Variants in PCDHGA3 observed in about 807,000 individuals in gnomAD.
PCDHGA3 encodes protocadherin gamma-A3.
PCDHGA3 carries 40 observed loss-of-function variants against 58.5 expected under a neutral mutation model. That is an observed-to-expected ratio of 0.68 (90% confidence interval 0.53 to 0.89). PCDHGA3 has a LOEUF of 0.89. PCDHGA3 is among the 40% of genes least tolerant of loss of function. The pLI, the probability that PCDHGA3 is intolerant of heterozygous loss-of-function variation, is 0.00. For synonymous variants in PCDHGA3, 530 were observed against 525.7 expected (o/e 1.01, Z -0.11); for missense variants, 1,223 against 1,195.9 (o/e 1.02, Z -0.33).
chr5:141,477,536 G>T lies in PCDHGA3; in HGVS notation c.2425-17271G>T. 1.2e-6 allele frequency: 2 copies of T among 1,614,076 alleles called. No homozygotes were observed. Among genetic ancestry groups the T allele is most frequent in the Non-Finnish European group, 1.7e-6 (2 of 1,180,018 alleles). ...CATTGAAGAAAACAACCTCCCCGGG[G>T]CTCCAATACTAAACCTAAGTGTCTG... On this transcript the variant is annotated intron_variant, in intron 1 of 3. Coordinates refer to ENST00000253812, the MANE Select transcript of PCDHGA3 (RefSeq NM_018916.4). The surrounding 1 kb of genome is among the most constrained non-coding windows in gnomAD (Gnocchi z 4.9).
intron 1 of PCDHGA3, chr5:141,371,738 C>G (rs765693064): frequency 6.2e-7 from 1 of 1,614,052 alleles, no homozygotes. Flanking sequence ...TCAACGACAA[C>G]GTTCCCGTTT....
At chr5:141,469,511 G>T (rs2099203340) in intron 1 of PCDHGA3, among the ~76,000 whole-genome samples, 2 of 152,038 alleles carry the variant, frequency 1.3e-5, no homozygotes, top group South Asian at 2.1e-4. Flanking sequence ...GGAGGTGGAG[G>T]TTGCAGTGAG....
At chr5:141,372,751 C>T (rs775212888) in intron 1 of PCDHGA3, 1 of 1,613,310 alleles carries the variant, frequency 6.2e-7, no homozygotes, top group Admixed American at 1.7e-5. Flanking sequence ...GATGAAGCCT[C>T]TTGGTTTGAA....
At chr5:141,472,455 G>A (rs191633108) in intron 1 of PCDHGA3, among the ~76,000 whole-genome samples, 2 of 151,972 alleles carry the variant, frequency 1.3e-5, no homozygotes, top group South Asian at 2.1e-4. Context: ...CAGGAGAATC[G>A]CTTGAACCCA....
chr5:141,389,644 C>T (rs2091854728), intron 1 of PCDHGA3: 1 of 1,612,926 alleles, frequency 6.2e-7, no homozygotes, highest in Admixed American at 1.7e-5. Context: ...TACTTGGTGA[C>T]CAAGGTAGTG....
chr5:141,474,486 C>G (rs531956129), intron 1 of PCDHGA3, among the ~76,000 whole-genome samples: 11 of 152,326 alleles, frequency 7.2e-5, no homozygotes, highest in African/African-American at 2.4e-4. Context: ...TAAATGTATT[C>G]TATCTTCTAA....
At chr5:141,502,472 A>T (rs1450967250) in intron 2 of PCDHGA3, among the ~76,000 whole-genome samples, 1 of 150,886 alleles carries the variant, frequency 6.6e-6, no homozygotes, top group Non-Finnish European at 1.5e-5. Flanking sequence ...TACTTCCCGC[A>T]GCATCACACT....
chr5:141,399,559 G>T (rs1589373313), intron 1 of PCDHGA3: 1 of 1,614,038 alleles, frequency 6.2e-7, no homozygotes, highest in African/African-American at 1.3e-5. Context: ...CCTGGACTTG[G>T]GGTTGAACGG....
intron 1 of PCDHGA3, 62 bp from the exon 2 acceptor site, chr5:141,494,745 G>T: frequency 1.2e-6 from 2 of 1,612,802 alleles, no homozygotes; most frequent in African/African-American, 1.3e-5. Context: ...ATCCCTAGGG[G>T]CTCGGGTGAC....
chr5:141,457,649 A>C (rs1303184316), intron 1 of PCDHGA3, among the ~76,000 whole-genome samples: 1 of 152,282 alleles, frequency 6.6e-6, no homozygotes, highest in Non-Finnish European at 1.5e-5. Context: ...TATTTGCATG[A>C]AGTGCAGCAA....
Position 141,489,088 on chromosome 5 carries a change from G to GCCA in PCDHGA3, c.2425-5719_2425-5718insCCA. ...CCCCTGCCCACCCCCGCCACTCGGTGACTAAGAACTGCTGCAAGCAGGCAA... is the reference window on the plus strand; with the variant it reads ...CCCCTGCCCACCCCCGCCACTCGGTGCCAACTAAGAACTGCTGCAAGCAGGCAA... On this transcript the variant is annotated intron_variant, in intron 1 of 3. Coordinates refer to ENST00000253812, the MANE Select transcript of PCDHGA3 (RefSeq NM_018916.4). This position sits in a 1 kb window ranked among gnomAD's most constrained non-coding sequence, Gnocchi z 4.5. The GCCA allele has an allele frequency of 2.9e-6, 1 of 347,238 alleles. No individual in the cohort carries two copies. 21.5% of individuals were successfully genotyped at this position (347,238 alleles called of 1,614,324 possible). A position where few individuals can be genotyped will look rare whatever the true frequency, so the allele number is the denominator to read the frequency against.
intron 1 of PCDHGA3, among the ~76,000 whole-genome samples, chr5:141,450,783 G>A (rs2879228): frequency 0.25 from 37,099 of 150,510 alleles, 4,810 homozygotes; most frequent in Admixed American, 0.32. Flanking sequence ...CACCGTGCCC[G>A]GACCTCATGA....
chr5:141,351,392 G>C (rs767660547), intron 1 of PCDHGA3: 29 of 1,611,590 alleles, frequency 1.8e-5, no homozygotes, highest in Non-Finnish European at 2.2e-5. Flanking sequence ...AAATGGCATG[G>C]TGACATGCTA....
chr5:141,425,943 C>A (rs2096904576), intron 1 of PCDHGA3, among the ~76,000 whole-genome samples: 1 of 152,220 alleles, frequency 6.6e-6, no homozygotes, highest in Non-Finnish European at 1.5e-5. Flanking sequence ...TGTCTAGTTT[C>A]CTATACATTA....
intron 1 of PCDHGA3, among the ~76,000 whole-genome samples, chr5:141,483,525 A>G (rs1442825090): frequency 1.3e-5 from 2 of 152,126 alleles, no homozygotes; most frequent in African/African-American, 4.8e-5. Context: ...ATCCTGACTA[A>G]GGAAGCTGGG....
intron 1 of PCDHGA3, chr5:141,410,723 T>G: frequency 7.2e-7 from 1 of 1,391,168 alleles, no homozygotes; most frequent in Non-Finnish European, 9.6e-7. Context: ...ATGTTTAAAA[T>G]CCATAGCTTT....
intron 1 of PCDHGA3, 58 bp from the exon 2 acceptor site, chr5:141,494,749 G>A (rs573811540): frequency 2.9e-5 from 47 of 1,612,698 alleles, no homozygotes; most frequent in Non-Finnish European, 3.6e-5. Flanking sequence ...CTAGGGGCTC[G>A]GGTGACATTC....
intron 1 of PCDHGA3, chr5:141,388,512 T>G (rs1342946669): frequency 1.2e-6 from 2 of 1,613,846 alleles, no homozygotes; most frequent in Non-Finnish European, 1.7e-6. Flanking sequence ...ATCCTACCAC[T>G]TGACTTTGAC....
intron 1 of PCDHGA3, among the ~76,000 whole-genome samples, chr5:141,406,450 G>T (rs2094811564): frequency 6.6e-6 from 1 of 152,194 alleles, no homozygotes; most frequent in South Asian, 2.1e-4. Flanking sequence ...CCATTTCTAT[G>T]ACAGGAAAAC....
Sources: gnomAD v4.1 joint callset for allele counts (sites outside exome capture counted in the v4.1 genomes callset) on GRCh38, gnomAD v4.1.1 for gene constraint, Gnocchi (gnomAD v3.1) non-coding constraint, MANE v1.5 for transcripts, NCBI Gene and HGNC (gene_info 2026-07-23, HGNC 2026-07-21) for gene names.